The following TMPRSS2 variants were observed in gnomAD, a reference collection of about 807,000 sequenced individuals.
TMPRSS2 encodes transmembrane serine protease 2.
TMPRSS2 carries 59 observed loss-of-function variants against 67.4 expected under a neutral mutation model. The observed-to-expected ratio is 0.88, with a 90% CI of 0.71 to 1.09. TMPRSS2 has a LOEUF of 1.09. TMPRSS2 is among the 50% of genes least tolerant of loss of function. TMPRSS2 has a pLI of 0.00. For missense variants in TMPRSS2, 668 were observed against 642.7 expected (o/e 1.04, Z -0.43); for synonymous variants, 257 against 257.0 (o/e 1.00, Z 0.00).
At chr21:41,467,594 G>C in intron 13 of TMPRSS2, 140 bp downstream of exon 13, 1 of 920,720 alleles carries the variant, frequency 1.1e-6, no homozygotes, top group South Asian at 1.6e-5. Flanking sequence ...GGATGGGGCT[G>C]TGGCTGGAGG....
intron 5 of TMPRSS2, 40 bp from the exon 6 acceptor site, chr21:41,480,642 T>G: frequency 1.2e-6 from 2 of 1,606,452 alleles, no homozygotes; most frequent in Non-Finnish European, 1.7e-6. Flanking sequence ...TTCTTTCTTT[T>G]TTTTTCTTTT....
intron 3 of TMPRSS2, among the ~76,000 whole-genome samples, 200 bp downstream of exon 3, chr21:41,494,156 A>G (rs914398234): frequency 6.6e-6 from 1 of 152,230 alleles, no homozygotes; most frequent in Admixed American, 6.5e-5. Flanking sequence ...CCTGGGCAAG[A>G]GGCTAGGCCT....
intron 3 of TMPRSS2, among the ~76,000 whole-genome samples, chr21:41,493,539 G>C (rs577632959): frequency 6.6e-6 from 1 of 152,232 alleles, no homozygotes; most frequent in Non-Finnish European, 1.5e-5. Context: ...ACAAGTTGTA[G>C]AGACAGGATG....
At chr21:41,495,626 CAAA>C (rs11336247) in intron 2 of TMPRSS2, among the ~76,000 whole-genome samples, 4 of 128,336 alleles carry the variant, frequency 3.1e-5, no homozygotes, top group Non-Finnish European at 3.3e-5. Context: ...ACTCCCGTCT[CAAA>C]AAAAAAAAAA....
chr21:41,464,447 C>T lies in TMPRSS2; in HGVS notation c.*1695G>A, dbSNP rs1047429362. 2 of 189,752 alleles carry T rather than the reference C, an allele frequency of 1.1e-5. No homozygotes were observed. The highest frequency in any genetic ancestry group is 2.2e-5 in the Non-Finnish European group (2 of 90,280). 11.8% of individuals were successfully genotyped at this position (189,752 alleles called of 1,614,324 possible). ...CAACCACAGGAGCACCAAGTCTGGC[C>T]TTGCCTCACCTTTGGTCCTCTGACC... is the stretch of plus-strand genomic sequence containing the variant. On this transcript the variant is annotated 3_prime_UTR_variant, in exon 14 of 14. Coordinates refer to ENST00000332149, the MANE Select transcript of TMPRSS2 (RefSeq NM_005656.4).
chr21:41,473,439 G>T lies in TMPRSS2; in HGVS notation c.785C>A (p.Ala262Glu). 4 of 1,610,290 alleles carry T rather than the reference G, an allele frequency of 2.5e-6. No homozygotes were observed. The highest frequency in any genetic ancestry group is 3.4e-6 in the Non-Finnish European group (4 of 1,179,096). Residue 262 changes from alanine (A) to glutamate (E), a missense_variant, in exon 9 of 14, where the codon GCG becomes GAG. Transcript: ENST00000332149. ...CTGCCAGGGCCAGGCCCCCGGGAGC[G>T]CGCTCTCGCCGCCCACAATCCTGCT... ...RQSRIVGGESALPGAWPWQVS... is the reference protein window; with the variant it reads ...RQSRIVGGESELPGAWPWQVS...
In TMPRSS2 at chr21:41,494,563, T is replaced by G. The variant is rs371681428; in HGVS notation, c.31A>C (p.Ile11Leu). Residue 11 changes from isoleucine to leucine, a missense_variant, in exon 3 of 14, where the codon ATT becomes CTT. Physicochemically the swap from Ile to Leu is conservative, Grantham distance 5. Coordinates refer to ENST00000332149, the MANE Select transcript of TMPRSS2 (RefSeq NM_005656.4). The part of the protein sequence containing the change: MALNSGSPPA[I>L]GPYYENHGYQ... ...CCATGGTTTTCATAGTAAGGTCCAA[T>G]AGCTGGTGGTGACCCCTAAACAGTT... 3 of 1,613,402 alleles carry G rather than the reference T, an allele frequency of 1.9e-6. No individual in the cohort carries two copies. Among genetic ancestry groups the G allele is most frequent in the African/African-American group, 2.7e-5 (2 of 74,852 alleles).
At chr21:41,484,454 A>G (rs2091280524) in intron 5 of TMPRSS2, among the ~76,000 whole-genome samples, 1 of 152,194 alleles carries the variant, frequency 6.6e-6, no homozygotes, top group Non-Finnish European at 1.5e-5. Flanking sequence ...ACATTTTTGA[A>G]TGTTTTCCAT....
chr21:41,502,270 T>A (rs2091429590), intron 1 of TMPRSS2, among the ~76,000 whole-genome samples: 1 of 152,194 alleles, frequency 6.6e-6, no homozygotes, highest in Non-Finnish European at 1.5e-5. Flanking sequence ...TACTGGAGAC[T>A]TACTTTCCAA....
chr21:41,470,742 G>A lies in TMPRSS2; in HGVS notation c.1077C>T (p.Asp359=). Residue 359 remains aspartate (D), a splice_region_variant and synonymous_variant, in exon 11 of 14, where the codon GAC becomes GAT. Coordinates refer to ENST00000332149, the MANE Select transcript of TMPRSS2 (RefSeq NM_005656.4). ...TGGGCAGACACACTGGTTTCACTAG[G>A]TCTGTTTCAAGAAGAGAAAACACAG... The part of the protein sequence containing the change: ...MKLQKPLTFN[D]LVKPVCLPNP... 6.2e-7 allele frequency: 1 copy of A among 1,612,848 alleles called. No homozygotes were observed. Among genetic ancestry groups the A allele is most frequent in the Non-Finnish European group, 8.5e-7 (1 of 1,179,880 alleles).
At position 41,481,802 on chromosome 21, in the gene TMPRSS2, C is replaced by T. The variant is rs146723217; in HGVS notation, c.446-1200G>A. On this transcript the variant is annotated intron_variant, in intron 5 of 13. Coordinates refer to ENST00000332149, the MANE Select transcript of TMPRSS2 (RefSeq NM_005656.4). ...GATAAGCCAGGCATGGTAGCTCACGCCTGTAATACCAGCACTTTGGGAGGC... is the reference window on the plus strand; with the variant it reads ...GATAAGCCAGGCATGGTAGCTCACGTCTGTAATACCAGCACTTTGGGAGGC... Among the ~76,000 whole-genome samples the T allele has an allele frequency of 6.9e-3, 1,054 of 152,222 alleles. 11 individuals are homozygous for T. Among genetic ancestry groups the T allele is most frequent in the African/African-American group, 0.024 (983 of 41,528 alleles).
At chr21:41,494,708 G>T in intron 2 of TMPRSS2, 130 bp from the exon 3 acceptor site, 1 of 892,148 alleles carries the variant, frequency 1.1e-6, no homozygotes, top group Admixed American at 2.0e-5. Context: ...ATTTTATTTT[G>T]TGAAATATGC....
chr21:41,498,043 C>T (rs1841638013), intron 2 of TMPRSS2, 76 bp downstream of exon 2: 12 of 1,190,780 alleles, frequency 1.0e-5, no homozygotes, highest in Non-Finnish European at 1.5e-5. Context: ...AATTGCTGAC[C>T]CCAAACAATG....
chr21:41,491,602 C>A (rs895466177), intron 3 of TMPRSS2, among the ~76,000 whole-genome samples: 24 of 152,174 alleles, frequency 1.6e-4, no homozygotes, highest in African/African-American at 5.8e-4. Context: ...ATTCCAGATG[C>A]CCTCTCTGGC....
rs200120702 is a variant in TMPRSS2, at chr21:41,480,517, G to A, written c.531C>T (p.Asn177=). 19 of 1,613,570 alleles carry A rather than the reference G, an allele frequency of 1.2e-5. No individual in the cohort carries two copies. The highest frequency in any genetic ancestry group is 3.3e-5 in the Admixed American group (2 of 60,000). ...TGCAGGCCGCCCGCCCGTAGTTCTC[G>A]TTCCAGTCGTCTTGGCACACAGGGT... ...SWHPVCQDDW[N]ENYGRAACRD... The change falls in exon 6 of 14, where the codon AAC becomes AAT. Residue 177 remains asparagine (N), a synonymous_variant. Transcript: ENST00000332149.
chr21:41,503,262 T>C (rs982674640), intron 1 of TMPRSS2, among the ~76,000 whole-genome samples: 2 of 152,192 alleles, frequency 1.3e-5, no homozygotes, highest in African/African-American at 2.4e-5. Flanking sequence ...TGCCTCAAGC[T>C]GAGTGCAACC....
At chr21:41,492,115 C>T (rs780054883) in intron 3 of TMPRSS2, among the ~76,000 whole-genome samples, 2 of 152,230 alleles carry the variant, frequency 1.3e-5, no homozygotes, top group Non-Finnish European at 2.9e-5. Context: ...ATCGCTTGAA[C>T]CTGAGAGGCA....
chr21:41,485,641 C>T (rs11702475), intron 5 of TMPRSS2, among the ~76,000 whole-genome samples: 53,387 of 145,370 alleles, frequency 0.37, 11,537 homozygotes, highest in Non-Finnish European at 0.5. Context: ...AGAGTGAAAC[C>T]CTGTCTCCAG....
chr21:41,491,151 A>ATTTTTTTT, intron 3 of TMPRSS2, among the ~76,000 whole-genome samples: 1 of 106,592 alleles, frequency 9.4e-6, no homozygotes, highest in Non-Finnish European at 1.9e-5. Flanking sequence ...TCTGCATTGC[A>ATTTTTTTT]TTTTTTTTTT....
Sources: gnomAD v4.1 joint callset for allele counts (sites outside exome capture counted in the v4.1 genomes callset) on GRCh38, gnomAD v4.1.1 for gene constraint, MANE v1.5 for transcripts, NCBI Gene and HGNC (gene_info 2026-07-23, HGNC 2026-07-21) for gene names.